MAP4: variants seen among roughly 807,000 people sequenced by gnomAD.
MAP4 encodes the protein microtubule associated protein 4.
MAP4 carries 76 observed loss-of-function variants against 170.2 expected under a neutral mutation model. That is an observed-to-expected ratio of 0.45 (90% confidence interval 0.37 to 0.54). MAP4 has a LOEUF of 0.54. MAP4 is among the 20% of genes least tolerant of loss of function. The pLI is 0.00. For missense variants in MAP4, 2,506 were observed against 2,748.0 expected, an observed-to-expected ratio of 0.91 and a Z score of 1.97; for synonymous variants, 909 against 994.5, an observed-to-expected ratio of 0.91 and a Z score of 1.62.
At chr3:47,976,652 T>C (rs2100082343) in intron 3 of MAP4, among the ~76,000 whole-genome samples, 1 of 152,200 alleles carries the variant, frequency 6.6e-6, no homozygotes, top group African/African-American at 2.4e-5. Context: ...AATACTACAT[T>C]TGACTGAGAT....
intron 3 of MAP4, among the ~76,000 whole-genome samples, chr3:47,952,442 G>T (rs1162766452): frequency 6.6e-6 from 1 of 152,100 alleles, no homozygotes; most frequent in Non-Finnish European, 1.5e-5. Context: ...TTGTGGAATA[G>T]AAAAGGGGGA....
chr3:47,891,131 C>T (rs770366613), intron 10 of MAP4: 57 of 1,536,238 alleles, frequency 3.7e-5, no homozygotes, highest in African/African-American at 1.4e-4. Flanking sequence ...TTTCTCTCCT[C>T]GCTGGCAAAC....
chr3:47,902,529 C>T (rs984565217), intron 10 of MAP4, among the ~76,000 whole-genome samples: 1 of 151,824 alleles, frequency 6.6e-6, no homozygotes, highest in Admixed American at 6.6e-5. Flanking sequence ...CAAAAATTAG[C>T]CGGGCGTGGT....
intron 4 of MAP4, among the ~76,000 whole-genome samples, chr3:47,927,717 C>T (rs1184485679): frequency 3.3e-5 from 5 of 152,104 alleles, no homozygotes; most frequent in Non-Finnish European, 5.9e-5. Flanking sequence ...TCAGGTGATC[C>T]GCCCACTTTG....
chr3:47,918,484 A>AT (rs1351017700), intron 6 of MAP4, among the ~76,000 whole-genome samples: 4 of 152,102 alleles, frequency 2.6e-5, no homozygotes, highest in African/African-American at 9.7e-5. Flanking sequence ...GTGATGAAAA[A>AT]AATATATATA....
chr3:47,921,759 C>A lies in MAP4; in HGVS notation c.529+6G>T. The A allele has an allele frequency of 6.5e-7, 1 of 1,545,274 alleles. No individual in the cohort carries two copies. The highest frequency in any genetic ancestry group is 1.4e-5 in the African/African-American group (1 of 73,470). ...TACAGAATAAATCCATTTGAAGAAG[C>A]CATACCGTAACTGTCTTTCAAGGGA... is the stretch of plus-strand genomic sequence containing the variant. On this transcript the variant is annotated splice_donor_region_variant and intron_variant, in intron 5 of 20. Transcript: ENST00000683076.
chr3:47,910,163 T>C lies in MAP4; in HGVS notation c.4258A>G (p.Arg1420Gly). ...ENRNITFTCPRTPSELINKSS... is the reference protein window; with the variant it reads ...ENRNITFTCPGTPSELINKSS... ...TTATTTATCAGCTCTGATGGTGTTC[T>C]GGGACAGGTAAATGTAATATTTCTA... is the stretch of plus-strand genomic sequence containing the variant. The change falls in exon 9 of 21, where the codon AGA becomes GGA. Residue 1420 changes from arginine (R) to glycine (G), a missense_variant. Around this residue, in one of 3 missense-constraint regions of MAP4, gnomAD observed 2,008 missense variants for 2,206.0 expected, o/e 0.91. Coordinates refer to ENST00000683076, the MANE Select transcript of MAP4 (RefSeq NM_001385682.1). The C allele has an allele frequency of 6.2e-7, 1 of 1,614,026 alleles. No individual in the cohort carries two copies. The highest frequency in any genetic ancestry group is 8.5e-7 in the Non-Finnish European group (1 of 1,179,890).
At chr3:47,995,848 G>C (rs2100095239) in intron 2 of MAP4, among the ~76,000 whole-genome samples, 1 of 152,160 alleles carries the variant, frequency 6.6e-6, no homozygotes, top group South Asian at 2.1e-4. Flanking sequence ...CTGTATCAGA[G>C]CATGTGCAGA....
rs1039323816 is a variant in MAP4, at chr3:48,005,055, G to A, written c.-19-6176C>T. On this transcript the variant is annotated intron_variant, in intron 1 of 20. Transcript: ENST00000683076. ...GAGAGTGTGACCCAGGAGGAGGTGC[G>A]CTACACTCAAAAAGAACTGTTCTCG... Among the ~76,000 whole-genome samples, 10 of 152,180 alleles carry A rather than the reference G, an allele frequency of 6.6e-5. No individual in the cohort carries two copies. The South Asian group carries it at 8.3e-4, about 13-fold the overall frequency.
In MAP4 at chr3:47,855,482, T is replaced by C. The variant is rs1382169348; in HGVS notation, c.6584-122A>G. 4.4e-6 allele frequency: 3 copies of C among 681,100 alleles called. No homozygotes were observed. The highest frequency in any genetic ancestry group is 8.1e-6 in the Non-Finnish European group (3 of 369,502). 42.2% of individuals were successfully genotyped at this position (681,100 alleles called of 1,614,324 possible). A position where few individuals can be genotyped will look rare whatever the true frequency, so the allele number is the denominator to read the frequency against. On this transcript the variant is annotated intron_variant, in intron 18 of 20. Transcript: ENST00000683076. The surrounding 1 kb of genome is among the most constrained non-coding windows in gnomAD (Gnocchi z 5.1). ...GACGTGACCTGTTCTGGGTGGCAAATGAAGAACAGTGAACACGTTTGTCTA... is the reference window on the plus strand; with the variant it reads ...GACGTGACCTGTTCTGGGTGGCAAACGAAGAACAGTGAACACGTTTGTCTA...
intron 10 of MAP4, among the ~76,000 whole-genome samples, chr3:47,890,012 GA>G (rs1265146516): frequency 6.7e-6 from 1 of 149,362 alleles, no homozygotes; most frequent in Non-Finnish European, 1.5e-5. Context: ...TACTTTCAAA[GA>G]AAAAAAGTAC....
In MAP4 at chr3:47,853,306, G is replaced by A; in HGVS notation, c.6743C>T (p.Ala2248Val). ...CTCAGAGATGGCCGGCTCCTCCCCA[G>A]CAGGGGGACCCGGACACAGAGGAGC... Reference protein sequence around the residue: ...SEAPLCPGPPAGEEPAISEAA... With the variant: ...SEAPLCPGPPVGEEPAISEAA... The change falls in exon 20 of 21, where the codon GCT (alanine) becomes GTT (valine). Residue 2248 changes from alanine to valine, a missense_variant. Ala to Val is a moderately conservative substitution (Grantham distance 64). This residue lies in a region of MAP4 where 487 missense variants were observed against 511.6 expected (regional missense o/e 0.95). Transcript: ENST00000683076. 6.2e-7 allele frequency: 1 copy of A among 1,611,168 alleles called. No individual in the cohort carries two copies. Among genetic ancestry groups the A allele is most frequent in the Non-Finnish European group, 8.5e-7 (1 of 1,179,518 alleles).
At position 47,870,815 on chromosome 3, in the gene MAP4, G is replaced by A. The variant is rs151008404; in HGVS notation, c.6292C>T (p.Arg2098Trp). Residue 2098 changes from arginine (R) to tryptophan (W), a missense_variant and splice_region_variant, in exon 15 of 21, where the codon CGG (arginine) becomes TGG (tryptophan). This residue lies in a region of MAP4 where 487 missense variants were observed against 511.6 expected (regional missense o/e 0.95). Coordinates refer to ENST00000683076, the MANE Select transcript of MAP4 (RefSeq NM_001385682.1). ...ENIKHQPGGGRAKVEKKTEAA... is the reference protein window; with the variant it reads ...ENIKHQPGGGWAKVEKKTEAA... ...GACCCCAAGCTCCCTGGACCCACCC[G>A]GCCTCCTCCAGGCTGATGCTTGATG... 9 of 1,546,282 alleles carry A rather than the reference G, an allele frequency of 5.8e-6. No individual in the cohort carries two copies. The highest frequency in any genetic ancestry group is 1.9e-4 in the Middle Eastern group (1 of 5,358).
chr3:48,075,299 C>T (rs984748237), intron 1 of MAP4, among the ~76,000 whole-genome samples: 1 of 151,850 alleles, frequency 6.6e-6, no homozygotes, highest in African/African-American at 2.4e-5. Flanking sequence ...CCGAGTCAGG[C>T]GGATCACTTG....
chr3:47,983,376 ATTTAT>A (rs1294837692), intron 2 of MAP4, among the ~76,000 whole-genome samples: 1 of 151,280 alleles, frequency 6.6e-6, no homozygotes, highest in African/African-American at 2.4e-5. Flanking sequence ...CAGTTGGCTT[ATTTAT>A]TTATTTATTT....
rs1216413140 is a variant in MAP4, at chr3:47,875,458, CCTTTT to C, written c.5757+222_5757+226del. Among the ~76,000 whole-genome samples, 6 of 152,116 alleles carry C rather than the reference CCTTTT, an allele frequency of 3.9e-5. No individual in the cohort carries two copies. The East Asian group carries it at 1.2e-3, about 29-fold the overall frequency. On this transcript the variant is annotated intron_variant, in intron 12 of 20. Transcript: ENST00000683076. Reference sequence around the variant, plus strand: ...GCATCAATGGGCCCCAAATTGATTTCCTTTTCTTTTTTCTTTTTTTGGCTGCTCCT... The same window carrying C: ...GCATCAATGGGCCCCAAATTGATTTCCTTTTTTCTTTTTTTGGCTGCTCCT...
intron 9 of MAP4, among the ~76,000 whole-genome samples, chr3:47,907,466 G>C (rs903968658): frequency 1.3e-5 from 2 of 152,028 alleles, no homozygotes; most frequent in East Asian, 3.9e-4. Context: ...TAGGGGAAAG[G>C]TGTGGTAGAA....
chr3:48,072,694 GT>G (rs2100141613), intron 1 of MAP4, among the ~76,000 whole-genome samples: 1 of 152,124 alleles, frequency 6.6e-6, no homozygotes, highest in Non-Finnish European at 1.5e-5. Flanking sequence ...AGAGACAAAC[GT>G]GAGAATTGCC....
intron 1 of MAP4, among the ~76,000 whole-genome samples, chr3:48,080,916 A>C (rs953009551): frequency 6.6e-6 from 1 of 152,222 alleles, no homozygotes; most frequent in Non-Finnish European, 1.5e-5. Context: ...CGAAGTCAGG[A>C]GATAGAGACC....
Sources: allele counts gnomAD v4.1 joint callset (sites outside exome capture counted in the v4.1 genomes callset), GRCh38; gene constraint gnomAD v4.1.1; regional missense constraint gnomAD v4.1.1; non-coding constraint Gnocchi (gnomAD v3.1); transcripts MANE v1.5; gene names NCBI Gene and HGNC (gene_info 2026-07-23, HGNC 2026-07-21).